Variants in DMD observed in about 807,000 individuals in gnomAD.
DMD encodes dystrophin.
DMD carries 63 observed loss-of-function variants against 330.1 expected under a neutral mutation model. That is an observed-to-expected ratio of 0.19 (90% confidence interval 0.16 to 0.24). The LOEUF is 0.24. DMD is among the 10% of genes least tolerant of loss of function. The pLI is 1.00. For missense variants in DMD, 3,344 were observed against 2,684.1 expected (o/e 1.25, Z -5.43); for synonymous variants, 1,223 against 959.8 (o/e 1.27, Z -5.07).
intron 44 of DMD, among the ~76,000 whole-genome samples, chrX:31,996,053 G>A (rs909824960): frequency 8.9e-6 from 1 of 111,909 alleles, no homozygotes; most frequent in Non-Finnish European, 1.9e-5. Context: ...ATCTACAAAC[G>A]TGACTGCTGA....
At chrX:31,173,660 C>A in intron 71 of DMD, 56 bp from the exon 72 acceptor site, 1 of 1,060,254 alleles carries the variant, frequency 9.4e-7, no homozygotes, top group Non-Finnish European at 1.3e-6. Flanking sequence ...GGAGAAAAAA[C>A]CCACCACACA....
At position 31,704,834 on chromosome X, in the gene DMD, T is replaced by A. The variant is rs748813799; in HGVS notation, c.7660+24797A>T. On this transcript the variant is annotated intron_variant, in intron 52 of 78. Transcript: ENST00000357033. ...GCATTCATCACAAACTTTTTTATAA[T>A]CTCTTATATAACTGAGATTGAGTTA... Among the ~76,000 whole-genome samples, 12 of 111,868 alleles carry A rather than the reference T, an allele frequency of 1.1e-4. No homozygotes were observed. In the South Asian group the frequency reaches 3.3e-3, roughly 31 times the overall value.
chrX:32,514,202 G>C (rs1290042160), intron 18 of DMD, among the ~76,000 whole-genome samples: 2 of 101,606 alleles, frequency 2.0e-5, no homozygotes, highest in Non-Finnish European at 4.0e-5. Flanking sequence ...GCCTCAACCA[G>C]GTGAAGGATA....
chrX:31,721,668 ATCTC>A (rs1243786404), intron 52 of DMD, among the ~76,000 whole-genome samples: 2 of 32,493 alleles, frequency 6.2e-5, no homozygotes, highest in South Asian at 2.0e-3. Flanking sequence ...ATTATTACCA[ATCTC>A]TCTCTCTCTC....
At chrX:32,511,798 T>G (rs1603635200) in intron 18 of DMD, among the ~76,000 whole-genome samples, 1 of 111,550 alleles carries the variant, frequency 9.0e-6, no homozygotes, top group African/African-American at 3.3e-5. Flanking sequence ...TGAAAGGATC[T>G]ATATTTCATA....
chrX:31,980,663 C>A (rs1360123098), intron 44 of DMD, among the ~76,000 whole-genome samples: 1 of 111,234 alleles, frequency 9.0e-6, no homozygotes, highest in African/African-American at 3.3e-5. Flanking sequence ...TATACACCTG[C>A]CACAGTATAA....
intron 32 of DMD, among the ~76,000 whole-genome samples, chrX:32,387,087 G>C (rs1019608664): frequency 2.7e-5 from 3 of 110,856 alleles, no homozygotes; most frequent in African/African-American, 9.8e-5. Flanking sequence ...TTTCTTAAAA[G>C]TGCTGATGAA....
intron 51 of DMD, among the ~76,000 whole-genome samples, chrX:31,740,866 T>C (rs1465401166): frequency 8.9e-6 from 1 of 112,282 alleles, no homozygotes; most frequent in African/African-American, 3.2e-5. Context: ...TTGTAGCATG[T>C]GATGCTGTTT....
chrX:32,703,470 G>C (rs192593322), intron 7 of DMD, among the ~76,000 whole-genome samples: 3 of 111,624 alleles, frequency 2.7e-5, no homozygotes, highest in African/African-American at 9.7e-5. Flanking sequence ...TACTTAGAAG[G>C]AAAAAGCATT....
chrX:32,437,489 T>G (rs1020759950), intron 29 of DMD, among the ~76,000 whole-genome samples: 9 of 112,101 alleles, frequency 8.0e-5, no homozygotes, highest in African/African-American at 2.9e-4. Flanking sequence ...TTTTTTCTCT[T>G]CATACGTTAT....
At chrX:32,115,585 T>G (rs777701937) in intron 44 of DMD, among the ~76,000 whole-genome samples, 1 of 111,351 alleles carries the variant, frequency 9.0e-6, no homozygotes, top group East Asian at 2.8e-4. Context: ...TGTCTTCAGC[T>G]TCAGACTGAT....
At chrX:31,628,040 C>T (rs185726509) in intron 54 of DMD, among the ~76,000 whole-genome samples, 178 bp from the exon 55 acceptor site, 26 of 111,247 alleles carry the variant, frequency 2.3e-4, no homozygotes, top group African/African-American at 8.5e-4. Context: ...TATTTACTTT[C>T]ATTTTTATTT....
chrX:31,516,334 G>A, intron 55 of DMD, among the ~76,000 whole-genome samples: 3 of 99,515 alleles, frequency 3.0e-5, no homozygotes. Flanking sequence ...TTTTCGAGAA[G>A]AATCCATAGG....
At chrX:31,352,429 A>C (rs1325475441) in intron 60 of DMD, among the ~76,000 whole-genome samples, 1 of 111,261 alleles carries the variant, frequency 9.0e-6, no homozygotes, top group Non-Finnish European at 1.9e-5. Context: ...CCCAAGGGGA[A>C]GATGTAGATG....
chrX:31,770,104 T>C (rs1036840324), intron 51 of DMD, among the ~76,000 whole-genome samples: 1 of 112,389 alleles, frequency 8.9e-6, no homozygotes, highest in African/African-American at 3.2e-5. Context: ...CAGAAAGGCA[T>C]GCTCAGATTC....
intron 9 of DMD, among the ~76,000 whole-genome samples, chrX:32,680,208 G>T (rs1446837604): frequency 9.1e-6 from 1 of 110,017 alleles, no homozygotes; most frequent in Non-Finnish European, 1.9e-5. Context: ...CACCGTGCCT[G>T]GCCTAAATTT....
intron 50 of DMD, among the ~76,000 whole-genome samples, chrX:31,784,327 G>A (rs773314645): frequency 1.4e-4 from 16 of 111,638 alleles, no homozygotes; most frequent in South Asian, 3.7e-4. Flanking sequence ...GGATGACCAC[G>A]ATCATAAACA....
chrX:31,614,264 G>A (rs1202227186), intron 55 of DMD, among the ~76,000 whole-genome samples: 1 of 112,071 alleles, frequency 8.9e-6, no homozygotes, highest in Non-Finnish European at 1.9e-5. Flanking sequence ...TGAATTGGGA[G>A]CAAAGAATTG....
intron 1 of DMD, among the ~76,000 whole-genome samples, chrX:33,081,135 C>T (rs1439194840): frequency 1.8e-5 from 2 of 111,379 alleles, no homozygotes; most frequent in East Asian, 5.6e-4. Flanking sequence ...GTATGCATTT[C>T]TAAGGCTTAA....
Sources: allele counts gnomAD v4.1 joint callset (sites outside exome capture counted in the v4.1 genomes callset), GRCh38; gene constraint gnomAD v4.1.1; transcripts MANE v1.5; gene names NCBI Gene and HGNC (gene_info 2026-07-23, HGNC 2026-07-21).